GSDMC: variants seen among roughly 807,000 people sequenced by gnomAD.
The protein encoded by GSDMC is gasdermin C.
GSDMC carries 59 observed loss-of-function variants against 58.0 expected under a neutral mutation model. The observed-to-expected ratio is 1.02, with a 90% CI of 0.82 to 1.26. GSDMC has a LOEUF of 1.26. Among genes scored for constraint, GSDMC ranks in the 50% most tolerant of loss-of-function variants. The pLI is 0.00. For synonymous variants in GSDMC, 241 were observed against 220.2 expected, an observed-to-expected ratio of 1.09 and a Z score of -0.83; for missense variants, 659 against 598.5, an observed-to-expected ratio of 1.10 and a Z score of -1.06.
At chr8:129,764,862 G>A (rs901622921) in intron 4 of GSDMC, among the ~76,000 whole-genome samples, 5 of 152,176 alleles carry the variant, frequency 3.3e-5, no homozygotes, top group African/African-American at 4.8e-5. Context: ...GGGGGTTCTT[G>A]TTTCTAGACT....
intron 7 of GSDMC, 75 bp from the exon 8 acceptor site, chr8:129,752,222 T>A: frequency 3.4e-6 from 4 of 1,170,798 alleles, no homozygotes; most frequent in Non-Finnish European, 5.1e-6. Context: ...CTTCTTTCCC[T>A]CTTGGTCTCA....
intron 1 of GSDMC, 28 bp from the exon 2 acceptor site, chr8:129,777,619 G>A: frequency 8.5e-7 from 1 of 1,178,696 alleles, no homozygotes; most frequent in Non-Finnish European, 1.3e-6. Flanking sequence ...GAGAGCATCA[G>A]TTGGGAGAGG....
Position 129,748,649 on chromosome 8 carries a change from C to A in GSDMC, c.1379G>T (p.Gly460Val). ...CAGCAGGCCATAGGTGATGGCCAAA[C>A]CCTCACTCTGGAGTGGGGCGAGGAG... ...PELLAPLQSE[G>V]LAITYGLLEE... is the part of the protein sequence containing the mutation. The change falls in exon 14 of 14, where the codon GGT becomes GTT. Residue 460 changes from glycine to valine, a missense_variant. Gly to Val is a moderately radical substitution (Grantham distance 109). Coordinates refer to ENST00000276708, the MANE Select transcript of GSDMC (RefSeq NM_031415.3). 6.2e-7 allele frequency: 1 copy of A among 1,611,126 alleles called. No homozygotes were observed. The highest frequency in any genetic ancestry group is 8.5e-7 in the Non-Finnish European group (1 of 1,178,728).
chr8:129,774,608 A>G (rs77669050), intron 3 of GSDMC, among the ~76,000 whole-genome samples: 6,373 of 152,208 alleles, frequency 0.042, 257 homozygotes, highest in East Asian at 0.19. Flanking sequence ...AAAGGAAACA[A>G]TCAACAGAGT....
chr8:129,785,724 A>G (rs773911704), intron 1 of GSDMC, among the ~76,000 whole-genome samples: 4 of 149,592 alleles, frequency 2.7e-5, no homozygotes, highest in Non-Finnish European at 4.4e-5. Context: ...GACCATTTCA[A>G]TTCTCTGATA....
At chr8:129,778,879 T>C (rs1046890309) in intron 1 of GSDMC, among the ~76,000 whole-genome samples, 2 of 151,420 alleles carry the variant, frequency 1.3e-5, no homozygotes, top group African/African-American at 4.8e-5. Context: ...CACTGATCAT[T>C]AGAGAAACAC....
intron 3 of GSDMC, among the ~76,000 whole-genome samples, chr8:129,773,845 T>C (rs12675465): frequency 0.15 from 21,886 of 149,532 alleles, 1,943 homozygotes; most frequent in East Asian, 0.31. Flanking sequence ...TACTTGTGAA[T>C]ACATTTCACC....
intron 9 of GSDMC, 111 bp downstream of exon 9, chr8:129,751,751 G>C: frequency 8.2e-7 from 1 of 1,224,910 alleles, no homozygotes; most frequent in East Asian, 2.3e-5. Context: ...ATGACCAAAC[G>C]CCAGGCCCTA....
intron 1 of GSDMC, among the ~76,000 whole-genome samples, chr8:129,782,552 A>G (rs769485983): frequency 6.6e-6 from 1 of 152,194 alleles, no homozygotes; most frequent in Non-Finnish European, 1.5e-5. Flanking sequence ...GCAGGAATTC[A>G]AAGGATTATT....
the GSDMC span, among the ~76,000 whole-genome samples, chr8:129,718,971 G>A: frequency 1.3e-5 from 2 of 152,126 alleles, no homozygotes; most frequent in Non-Finnish European, 2.9e-5. Context: ...CTCATAAGTG[G>A]GAGCTGAACA....
chr8:129,754,960 A>C (rs1038720365), intron 6 of GSDMC, among the ~76,000 whole-genome samples: 1 of 152,192 alleles, frequency 6.6e-6, no homozygotes, highest in African/African-American at 2.4e-5. Flanking sequence ...AAGCACACAC[A>C]TATGATCTAG....
chr8:129,756,355 A>G (rs1195686442), intron 6 of GSDMC, among the ~76,000 whole-genome samples: 2 of 152,132 alleles, frequency 1.3e-5, no homozygotes, highest in African/African-American at 4.8e-5. Flanking sequence ...ACCCAGATAT[A>G]TAAAGCAAAT....
At chr8:129,711,571 A>G in the GSDMC span, among the ~76,000 whole-genome samples, 1 of 152,236 alleles carries the variant, frequency 6.6e-6, no homozygotes, top group Non-Finnish European at 1.5e-5. Context: ...TGACCGTTGC[A>G]AAGAATTGCC....
At chr8:129,715,953 G>C in the GSDMC span, among the ~76,000 whole-genome samples, 2 of 152,208 alleles carry the variant, frequency 1.3e-5, no homozygotes, top group East Asian at 3.9e-4. Flanking sequence ...TTTTTATACT[G>C]TACATGAAGT....
In GSDMC at chr8:129,751,463, C is replaced by A. The variant is rs73712932; in HGVS notation, c.943+79G>T. ...GAAGTGGACCTCAGTTTCTGACTTGCATAGAAACCACCAACTTGGGTGCTC... is the reference window on the plus strand; with the variant it reads ...GAAGTGGACCTCAGTTTCTGACTTGAATAGAAACCACCAACTTGGGTGCTC... On this transcript the variant is annotated intron_variant, in intron 10 of 13. Transcript: ENST00000276708. 5,185 of 1,225,042 alleles carry A rather than the reference C, an allele frequency of 4.2e-3. 143 individuals carry two copies. The African/African-American group carries it at 0.064, about 15-fold the overall frequency. 75.9% of individuals were successfully genotyped at this position (1,225,042 alleles called of 1,614,324 possible).
In GSDMC at chr8:129,758,540, A is replaced by G. The variant is rs139764072; in HGVS notation, c.721+2005T>C. On this transcript the variant is annotated intron_variant, in intron 6 of 13. Transcript: ENST00000276708. ...TAAAGTTGAGGAATATAAATTCAAC[A>G]TACAAAAATCAGTGGCATTTCTATA... Among the ~76,000 whole-genome samples, 439 of 152,368 alleles carry G rather than the reference A, an allele frequency of 2.9e-3. 4 individuals carry two copies. Among genetic ancestry groups the G allele is most frequent in the African/African-American group, 0.01 (417 of 41,600 alleles).
the GSDMC span, among the ~76,000 whole-genome samples, chr8:129,720,250 G>C: frequency 3.3e-5 from 5 of 152,124 alleles, no homozygotes; most frequent in African/African-American, 1.2e-4. Flanking sequence ...ATAGAATAGT[G>C]CTTGTGATCA....
chr8:129,785,072 A>G (rs1327642284), intron 1 of GSDMC, among the ~76,000 whole-genome samples: 1 of 152,070 alleles, frequency 6.6e-6, no homozygotes, highest in African/African-American at 2.4e-5. Flanking sequence ...TTAGCCAGGC[A>G]TGGTAGCGCA....
At chr8:129,780,321 A>C (rs1047507005) in intron 1 of GSDMC, among the ~76,000 whole-genome samples, 2 of 152,214 alleles carry the variant, frequency 1.3e-5, no homozygotes, top group African/African-American at 4.8e-5. Context: ...ATTTAAGCCA[A>C]AGAAGACTAC....
Sources: gnomAD v4.1 joint callset for allele counts (sites outside exome capture counted in the v4.1 genomes callset) on GRCh38, gnomAD v4.1.1 for gene constraint, MANE v1.5 for transcripts, NCBI Gene and HGNC (gene_info 2026-07-23, HGNC 2026-07-21) for gene names.